The following PDILT variants were observed in gnomAD, a reference collection of about 807,000 sequenced individuals.
PDILT encodes the protein protein disulfide isomerase like, testis expressed.
Under a neutral mutation model 53.7 loss-of-function variants are expected in PDILT, and 43 were observed. That is an observed-to-expected ratio of 0.80 (90% CI 0.63 to 1.03). The LOEUF is 1.03. Ranked by LOEUF, PDILT falls within the 50% of genes least tolerant of loss-of-function variation. The pLI is 0.00. For missense variants in PDILT, 727 were observed against 712.3 expected, an observed-to-expected ratio of 1.02 and a Z score of -0.24; for synonymous variants, 282 against 274.2, an observed-to-expected ratio of 1.03 and a Z score of -0.28.
chr16:20,383,766 T>G (rs950309478), intron 3 of PDILT, among the ~76,000 whole-genome samples: 1 of 152,208 alleles, frequency 6.6e-6, no homozygotes, highest in African/African-American at 2.4e-5. Flanking sequence ...CTGGCATGGC[T>G]GTTACAGGCA....
intron 5 of PDILT, among the ~76,000 whole-genome samples, chr16:20,374,111 CTT>C (rs57756898): frequency 6.8e-6 from 1 of 146,234 alleles, no homozygotes; most frequent in Admixed American, 7.0e-5. Flanking sequence ...GCTTGAATAA[CTT>C]TTTTTTTTTT....
intron 7 of PDILT, among the ~76,000 whole-genome samples, chr16:20,370,637 G>A (rs754468493): frequency 6.6e-6 from 1 of 152,202 alleles, no homozygotes; most frequent in Non-Finnish European, 1.5e-5. Flanking sequence ...TTGAATACAG[G>A]CTGGGTAAAA....
Position 20,382,788 on chromosome 16 carries a change from C to T in PDILT, c.409+1857G>A, listed in dbSNP as rs190991602. Among the ~76,000 whole-genome samples, 12 of 152,204 alleles carry T rather than the reference C, an allele frequency of 7.9e-5. No homozygotes were observed. In the East Asian group the frequency reaches 1.7e-3, roughly 22 times the overall value. On this transcript the variant is annotated intron_variant, in intron 3 of 11. Coordinates refer to ENST00000302451, the MANE Select transcript of PDILT (RefSeq NM_174924.2). Reference sequence around the variant, plus strand: ...AACAGATGGAAAAACTGAGATTCGACGAGCGGCAGTGATTGTTTCTTAAGC... The same window carrying T: ...AACAGATGGAAAAACTGAGATTCGATGAGCGGCAGTGATTGTTTCTTAAGC...
At chr16:20,400,063 TA>T (rs1567333536) in intron 1 of PDILT, among the ~76,000 whole-genome samples, 4 of 112,770 alleles carry the variant, frequency 3.5e-5, no homozygotes, top group African/African-American at 1.3e-4. Context: ...TCTATATATA[TA>T]TATATATATT....
At chr16:20,380,851 G>A (rs913875031) in intron 3 of PDILT, among the ~76,000 whole-genome samples, 3 of 152,196 alleles carry the variant, frequency 2.0e-5, no homozygotes, top group Admixed American at 1.3e-4. Context: ...TCTTGGGGAC[G>A]TGTGAGCTCC....
chr16:20,365,599 C>T (rs1966179393), intron 8 of PDILT, 59 bp from the exon 9 acceptor site: 7 of 1,574,286 alleles, frequency 4.4e-6, no homozygotes, highest in Non-Finnish European at 6.1e-6. Flanking sequence ...AGTTGTGGGG[C>T]TCCCCACCTT....
intron 9 of PDILT, among the ~76,000 whole-genome samples, chr16:20,363,285 C>G (rs1966134797): frequency 6.6e-6 from 1 of 152,162 alleles, no homozygotes; most frequent in Non-Finnish European, 1.5e-5. Context: ...ATCCTTCCAT[C>G]TCAGCTTCCT....
In PDILT at chr16:20,376,168, A is replaced by C; in HGVS notation, c.443T>G (p.Leu148Trp). 6.2e-7 allele frequency: 1 copy of C among 1,614,178 alleles called. No individual in the cohort carries two copies. Among genetic ancestry groups the C allele is most frequent in the Non-Finnish European group, 8.5e-7 (1 of 1,180,026 alleles). ...VVESAALVVWLRRQISQKAFL... is the reference protein window; with the variant it reads ...VVESAALVVWWRRQISQKAFL... ...TGCTTTCTGGCTAATTTGTCGTCTC[A>C]ACCAAACGACTAAGGCAGCAGATTC... Residue 148 changes from leucine to tryptophan, a missense_variant, in exon 4 of 12, where the codon TTG (leucine) becomes TGG (tryptophan). Physicochemically the swap from Leu to Trp is moderately conservative, Grantham distance 61. Transcript: ENST00000302451.
chr16:20,394,915 T>G (rs544325992), intron 2 of PDILT, among the ~76,000 whole-genome samples: 1 of 152,262 alleles, frequency 6.6e-6, no homozygotes, highest in African/African-American at 2.4e-5. Flanking sequence ...TAAGATGATA[T>G]GGACCCTTAT....
chr16:20,403,376 G>A lies in PDILT; in HGVS notation c.-8+1120C>T, dbSNP rs574291978. Among the ~76,000 whole-genome samples, 31 of 152,190 alleles carry A rather than the reference G, an allele frequency of 2.0e-4. No homozygotes were observed. The East Asian group carries it at 3.7e-3, about 18-fold the overall frequency. On this transcript the variant is annotated intron_variant, in intron 1 of 11. Coordinates refer to ENST00000302451, the MANE Select transcript of PDILT (RefSeq NM_174924.2). ...ATGATCTTGGCTCACTGCAGCCTCC[G>A]CCTCCTGGGTTTAAGCGATTCTCCT...
rs543905444 is a variant in PDILT, at chr16:20,393,725, A to G, written c.202+5374T>C. On this transcript the variant is annotated intron_variant, in intron 2 of 11. Transcript: ENST00000302451. ...TTTCTGGCAGGGGACATAGACTCAAATGTCATGGGGGTAAAGCAGAGAGTG... is the reference window on the plus strand; with the variant it reads ...TTTCTGGCAGGGGACATAGACTCAAGTGTCATGGGGGTAAAGCAGAGAGTG... Among the ~76,000 whole-genome samples the G allele has an allele frequency of 1.2e-4, 18 of 152,282 alleles. No individual in the cohort carries two copies. The South Asian group carries it at 3.5e-3, about 30-fold the overall frequency.
At chr16:20,393,610 C>T (rs1184230813) in intron 2 of PDILT, among the ~76,000 whole-genome samples, 3 of 152,138 alleles carry the variant, frequency 2.0e-5, no homozygotes, top group African/African-American at 7.2e-5. Context: ...CTCCCATATC[C>T]CCAAATTTCC....
At chr16:20,390,336 A>G (rs913217281) in intron 2 of PDILT, among the ~76,000 whole-genome samples, 3 of 152,120 alleles carry the variant, frequency 2.0e-5, no homozygotes, top group African/African-American at 7.2e-5. Flanking sequence ...TCTTTAGCCA[A>G]ATGGGCACAA....
chr16:20,403,408 A>G (rs6497480), intron 1 of PDILT, among the ~76,000 whole-genome samples: 120,069 of 151,942 alleles, frequency 0.79, 49,016 homozygotes, highest in Non-Finnish European at 0.9. Context: ...TCCTGCTTCA[A>G]CCTCCCTAGC....
At chr16:20,363,793 A>G (rs946411470) in intron 9 of PDILT, among the ~76,000 whole-genome samples, 6 of 152,030 alleles carry the variant, frequency 3.9e-5, no homozygotes, top group Non-Finnish European at 1.5e-5. Context: ...AGGTATAATT[A>G]CTCTTGGACA....
intron 3 of PDILT, among the ~76,000 whole-genome samples, chr16:20,377,392 G>A (rs1217935541): frequency 1.3e-5 from 2 of 152,076 alleles, no homozygotes; most frequent in Non-Finnish European, 2.9e-5. Flanking sequence ...TTATTTACTT[G>A]GCAAATATGT....
chr16:20,375,930 G>T, intron 4 of PDILT, 138 bp downstream of exon 4: 1 of 1,067,494 alleles, frequency 9.4e-7, no homozygotes, highest in Non-Finnish European at 1.3e-6. Flanking sequence ...TTGAACCCTT[G>T]GAGCTTCCCC....
intron 2 of PDILT, among the ~76,000 whole-genome samples, chr16:20,389,609 G>A (rs1381670215): frequency 6.6e-6 from 1 of 152,154 alleles, no homozygotes; most frequent in Non-Finnish European, 1.5e-5. Context: ...GGGTTTCAGG[G>A]TAAGCACACG....
chr16:20,367,144 C>G (rs1018435687), intron 8 of PDILT, among the ~76,000 whole-genome samples: 33 of 146,534 alleles, frequency 2.3e-4, no homozygotes, highest in African/African-American at 8.4e-4. Flanking sequence ...GCTCTGTCAC[C>G]CAGGCTGGAA....
Sources: gnomAD v4.1 joint callset for allele counts (sites outside exome capture counted in the v4.1 genomes callset) on GRCh38, gnomAD v4.1.1 for gene constraint, MANE v1.5 for transcripts, NCBI Gene and HGNC (gene_info 2026-07-23, HGNC 2026-07-21) for gene names.